Variants in SMOX observed in about 807,000 individuals in gnomAD.
SMOX encodes the protein spermine oxidase.
A neutral mutation model predicts 51.0 loss-of-function variants in SMOX; 22 were observed. The observed-to-expected ratio is 0.43, with a 90% CI of 0.31 to 0.62. SMOX has a LOEUF of 0.62. Ranked by LOEUF, SMOX falls within the 20% of genes least tolerant of loss-of-function variation. SMOX has a pLI of 0.10. For synonymous variants in SMOX, 282 were observed against 307.8 expected (o/e 0.92, Z 0.88); for missense variants, 566 against 777.7 (o/e 0.73, Z 3.24).
rs1986781690 is a variant in SMOX, at chr20:4,170,576, A to C, written c.-26-4454A>C. Among the ~76,000 whole-genome samples, 1 of 152,100 alleles carries C rather than the reference A, an allele frequency of 6.6e-6. No individual in the cohort carries two copies. Among genetic ancestry groups the C allele is most frequent in the Non-Finnish European group, 1.5e-5 (1 of 68,026 alleles). ...GAGCGTAAATTTCTGAGGGTGTCAAAATGAAATTGGGGAGGATGTTCCAGG... is the reference window on the plus strand; with the variant it reads ...GAGCGTAAATTTCTGAGGGTGTCAACATGAAATTGGGGAGGATGTTCCAGG... On this transcript the variant is annotated intron_variant, in intron 1 of 6. Coordinates refer to ENST00000305958, the MANE Select transcript of SMOX (RefSeq NM_175839.3). This position sits in a 1 kb window ranked among gnomAD's most constrained non-coding sequence, Gnocchi z 4.6.
chr20:4,150,697 T>C (rs1227004673), intron 1 of SMOX, among the ~76,000 whole-genome samples: 1 of 152,138 alleles, frequency 6.6e-6, no homozygotes, highest in Non-Finnish European at 1.5e-5. Context: ...CCCCAGCCTC[T>C]CTACCTAACC....
In SMOX at chr20:4,182,927, C is replaced by T; in HGVS notation, c.1369+79C>T. ...CCCTCCTCTGGTGGACCCATGGCAG[C>T]TCTCTCCTCCCCAGACCGTGAAGCT... On this transcript the variant is annotated intron_variant, in intron 5 of 6. Coordinates refer to ENST00000305958, the MANE Select transcript of SMOX (RefSeq NM_175839.3). The surrounding 1 kb of genome is among the most constrained non-coding windows in gnomAD (Gnocchi z 8.4). 2.0e-6 allele frequency: 3 copies of T among 1,500,926 alleles called. No homozygotes were observed. Among genetic ancestry groups the T allele is most frequent in the African/African-American group, 1.4e-5 (1 of 72,962 alleles). 93.0% of individuals were successfully genotyped at this position (1,500,926 alleles called of 1,614,324 possible).
chr20:4,166,735 G>T lies in SMOX; in HGVS notation c.-26-8295G>T. On this transcript the variant is annotated intron_variant, in intron 1 of 6. Transcript: ENST00000305958. This position sits in a 1 kb window ranked among gnomAD's most constrained non-coding sequence, Gnocchi z 4.2. Reference sequence around the variant, plus strand: ...CCTCTCCCGGGGGCCTCCCGCTCTTGCCTCCCAGTGCCTGTGGGGGCCGTG... The same window carrying T: ...CCTCTCCCGGGGGCCTCCCGCTCTTTCCTCCCAGTGCCTGTGGGGGCCGTG... Among the ~76,000 whole-genome samples, 1 of 152,222 alleles carries T rather than the reference G, an allele frequency of 6.6e-6. No individual in the cohort carries two copies. Among genetic ancestry groups the T allele is most frequent in the East Asian group, 1.9e-4 (1 of 5,184 alleles).
chr20:4,159,370 C>T (rs1005070894), intron 1 of SMOX, among the ~76,000 whole-genome samples: 2 of 152,168 alleles, frequency 1.3e-5, no homozygotes, highest in Non-Finnish European at 2.9e-5. Flanking sequence ...CTTCGACCTC[C>T]CAAAGTGCTG....
chr20:4,154,075 G>A (rs890531032), intron 1 of SMOX, among the ~76,000 whole-genome samples: 9 of 152,154 alleles, frequency 5.9e-5, no homozygotes, highest in South Asian at 2.1e-4. Context: ...AATCTTGGGC[G>A]GCTTTGGCCG....
chr20:4,171,127 G>A (rs1054898957), intron 1 of SMOX, among the ~76,000 whole-genome samples: 1 of 152,186 alleles, frequency 6.6e-6, no homozygotes, highest in Admixed American at 6.5e-5. Flanking sequence ...TGCTCAGAAA[G>A]TACAGGGTGT....
At chr20:4,174,729 C>A (rs915415559) in intron 1 of SMOX, among the ~76,000 whole-genome samples, 1 of 152,218 alleles carries the variant, frequency 6.6e-6, no homozygotes, top group African/African-American at 2.4e-5. Context: ...TTAAGATGGG[C>A]TCCCAGGTCT....
rs1986621686 is a variant in SMOX at position 4,167,622 on chromosome 20, G to A, written c.-26-7408G>A. 6.6e-6 allele frequency among the ~76,000 whole-genome samples: 1 copy of A among 152,114 alleles called. No individual in the cohort carries two copies. Among genetic ancestry groups the A allele is most frequent in the Admixed American group, 6.5e-5 (1 of 15,286 alleles). On this transcript the variant is annotated intron_variant, in intron 1 of 6. Transcript: ENST00000305958. The surrounding 1 kb of genome is among the most constrained non-coding windows in gnomAD (Gnocchi z 4.8). ...TGGGGCCTGGAGAAGGGAAGACACT[G>A]GCCCAGGGGTCACCTGGCAAGGTAG...
chr20:4,158,854 G>T (rs1986165856), intron 1 of SMOX, among the ~76,000 whole-genome samples: 1 of 152,066 alleles, frequency 6.6e-6, no homozygotes, highest in African/African-American at 2.4e-5. Flanking sequence ...CTGGCGGGTG[G>T]TGGTGATACT....
chr20:4,186,290 A>T (rs1181311058), intron 6 of SMOX, among the ~76,000 whole-genome samples: 2 of 152,204 alleles, frequency 1.3e-5, no homozygotes, highest in Non-Finnish European at 2.9e-5. Flanking sequence ...CTGGGGCAAT[A>T]GAGTGAGACA....
At position 4,182,182 on chromosome 20, in the gene SMOX, A is replaced by G. The variant is rs2122578194; in HGVS notation, c.703A>G (p.Ile235Val). ...CGAGATCCCCGGCGCTCACCACATC[A>G]TCCCCTCGGGCTTCATGCGGGTTGT... Reference protein sequence around the residue: ...WTEIPGAHHIIPSGFMRVVEL... With the variant: ...WTEIPGAHHIVPSGFMRVVEL... Residue 235 changes from isoleucine to valine, a missense_variant, in exon 5 of 7, where the codon ATC becomes GTC. By Grantham distance (29) the Ile-to-Val change is conservative (BLOSUM62 3). Coordinates refer to ENST00000305958, the MANE Select transcript of SMOX (RefSeq NM_175839.3). The surrounding 1 kb of genome is among the most constrained non-coding windows in gnomAD (Gnocchi z 8.4). The G allele has an allele frequency of 6.2e-7, 1 of 1,613,564 alleles. No individual in the cohort carries two copies. The highest frequency in any genetic ancestry group is 2.2e-5 in the East Asian group (1 of 44,840).
intron 2 of SMOX, 91 bp downstream of exon 2, chr20:4,175,354 T>A (rs1448710679): frequency 2.1e-6 from 3 of 1,414,678 alleles, no homozygotes; most frequent in Non-Finnish European, 2.9e-6. Flanking sequence ...TTATTTTAAC[T>A]TCTGGGATAA....
chr20:4,160,773 G>A (rs1385642899), intron 1 of SMOX, among the ~76,000 whole-genome samples: 4 of 152,196 alleles, frequency 2.6e-5, no homozygotes, highest in African/African-American at 4.8e-5. Flanking sequence ...AGGAAGGCCC[G>A]TCTCCACCTT....
chr20:4,154,797 A>G (rs1600793739), intron 1 of SMOX, among the ~76,000 whole-genome samples: 1 of 134,602 alleles, frequency 7.4e-6, no homozygotes, highest in Admixed American at 8.4e-5. Flanking sequence ...GGAACTAACT[A>G]CCTTGGCTCC....
intron 1 of SMOX, among the ~76,000 whole-genome samples, chr20:4,160,487 T>C (rs1986257129): frequency 6.6e-6 from 1 of 152,164 alleles, no homozygotes; most frequent in African/African-American, 2.4e-5. Context: ...GTCATGCCTC[T>C]GAACCTCTTG....
In SMOX at chr20:4,183,195, G is replaced by C. The variant is rs1424742534; in HGVS notation, c.1370-299G>C. 8 of 567,506 alleles carry C rather than the reference G, an allele frequency of 1.4e-5. No homozygotes were observed. The highest frequency in any genetic ancestry group is 2.5e-5 in the Non-Finnish European group (8 of 320,170). 35.2% of individuals were successfully genotyped at this position (567,506 alleles called of 1,614,324 possible). Reference sequence around the variant, plus strand: ...CAACATTTTTCACCCACTATTCCAGGAGGACCTCACGAGAACCCCCGATAT... The same window carrying C: ...CAACATTTTTCACCCACTATTCCAGCAGGACCTCACGAGAACCCCCGATAT... On this transcript the variant is annotated intron_variant, in intron 5 of 6. Coordinates refer to ENST00000305958, the MANE Select transcript of SMOX (RefSeq NM_175839.3). This position sits in a 1 kb window ranked among gnomAD's most constrained non-coding sequence, Gnocchi z 4.3.
chr20:4,149,311 C>T lies in SMOX; in HGVS notation c.-27+334C>T, dbSNP rs1985606632. ...GAGGGCCGGACGGACCCCCGGGCTA[C>T]GTGCGGGAGGGGAGCGTCCCGGGCG... On this transcript the variant is annotated intron_variant, in intron 1 of 6. Transcript: ENST00000305958. This position sits in a 1 kb window ranked among gnomAD's most constrained non-coding sequence, Gnocchi z 6.0. Among the ~76,000 whole-genome samples, 1 of 151,370 alleles carries T rather than the reference C, an allele frequency of 6.6e-6. No individual in the cohort carries two copies. Among genetic ancestry groups the T allele is most frequent in the Non-Finnish European group, 1.5e-5 (1 of 67,730 alleles).
rs768785503 is a variant in SMOX, at chr20:4,177,575, G to A, written c.433G>A (p.Glu145Lys). 15 of 1,582,382 alleles carry A rather than the reference G, an allele frequency of 9.5e-6. No individual in the cohort carries two copies. The East Asian group carries it at 1.1e-4, about 12-fold the overall frequency. Residue 145 changes from glutamate (E) to lysine (K), a missense_variant and splice_region_variant, in exon 3 of 7, where the codon GAG becomes AAG. This residue lies in a region of SMOX where 217 missense variants were observed against 278.4 expected (regional missense o/e 0.78). Transcript: ENST00000305958. The surrounding 1 kb of genome is among the most constrained non-coding windows in gnomAD (Gnocchi z 4.3). The part of the protein sequence containing the change: ...VVEEFSDLYN[E>K]VYNLTQEFFR... ...TGAGGAATTCAGCGATTTATACAAC[G>A]AGGTAAGGTGTGAGCAGAGTAGCTG...
chr20:4,169,301 TCTGGCCACAC>T (rs1470808592), intron 1 of SMOX, among the ~76,000 whole-genome samples: 5 of 152,052 alleles, frequency 3.3e-5, no homozygotes, highest in Non-Finnish European at 5.9e-5. Context: ...CTGTAATAGC[TCTGGCCACAC>T]CTGGCCAGAT....
Sources: gnomAD v4.1 joint callset for allele counts (sites outside exome capture counted in the v4.1 genomes callset) on GRCh38, gnomAD v4.1.1 for gene constraint, gnomAD v4.1.1 regional missense constraint, Gnocchi (gnomAD v3.1) non-coding constraint, MANE v1.5 for transcripts, NCBI Gene and HGNC (gene_info 2026-07-23, HGNC 2026-07-21) for gene names.